Variants in C7 observed in about 807,000 individuals in gnomAD.
C7 encodes the protein complement C7.
Under a neutral mutation model 104.8 loss-of-function variants are expected in C7, and 83 were observed. The observed-to-expected ratio is 0.79, with a 90% confidence interval of 0.66 to 0.95. C7 has a LOEUF of 0.95. Ranked by LOEUF, C7 falls within the 40% of genes least tolerant of loss-of-function variation. C7 has a pLI of 0.00. For synonymous variants in C7, 415 were observed against 360.6 expected, an observed-to-expected ratio of 1.15 and a Z score of -1.71; for missense variants, 1,070 against 1,011.2, an observed-to-expected ratio of 1.06 and a Z score of -0.79.
chr5:40,931,017 C>G (rs376444956), intron 2 of C7, 47 bp from the exon 3 acceptor site: 3 of 1,259,382 alleles, frequency 2.4e-6, no homozygotes, highest in Admixed American at 1.7e-5. Flanking sequence ...TGTTCCCTTG[C>G]GTATCTTTCC....
chr5:40,964,572 T>C (rs1740502654), intron 13 of C7, 169 bp from the exon 14 acceptor site: 1 of 543,688 alleles, frequency 1.8e-6, no homozygotes, highest in Non-Finnish European at 3.3e-6. Flanking sequence ...ATGGTGGTGC[T>C]AGTGTTACTA....
At chr5:40,960,580 T>A (rs1443467529) in intron 12 of C7, among the ~76,000 whole-genome samples, 1 of 152,130 alleles carries the variant, frequency 6.6e-6, no homozygotes, top group Non-Finnish European at 1.5e-5. Flanking sequence ...TTTTTCCTGC[T>A]TTTTGACATA....
intron 2 of C7, 27 bp downstream of exon 2, chr5:40,928,662 A>G: frequency 7.1e-7 from 1 of 1,412,922 alleles, no homozygotes; most frequent in Non-Finnish European, 9.7e-7. Flanking sequence ...TTGTGTGTAA[A>G]AATCATTAAA....
chr5:40,914,188 T>C (rs1416086968), intron 1 of C7, among the ~76,000 whole-genome samples: 1 of 152,164 alleles, frequency 6.6e-6, no homozygotes, highest in Non-Finnish European at 1.5e-5. Flanking sequence ...CTCCTTGTGG[T>C]TTTAATTTAA....
chr5:40,911,155 T>A (rs1285551229), intron 1 of C7: 2 of 152,216 alleles, frequency 1.3e-5, no homozygotes, highest in East Asian at 1.9e-4. Context: ...CCAAGTCGCA[T>A]GTAGAGTTCT....
chr5:40,980,443 A>T (rs1288079377), intron 17 of C7: 1 of 152,280 alleles, frequency 6.6e-6, no homozygotes, highest in Non-Finnish European at 1.5e-5. Context: ...CCAAGCTGAC[A>T]CTTTCTTCTA....
chr5:40,938,474 C>T (rs1739862361), intron 6 of C7, among the ~76,000 whole-genome samples: 1 of 151,954 alleles, frequency 6.6e-6, no homozygotes, highest in Admixed American at 6.6e-5. Context: ...ATGAAAATGC[C>T]TTGAACATTC....
At chr5:40,950,425 G>A (rs1740144317) in intron 9 of C7, among the ~76,000 whole-genome samples, 1 of 152,030 alleles carries the variant, frequency 6.6e-6, no homozygotes, top group Admixed American at 6.6e-5. Flanking sequence ...TGGTGTATAT[G>A]CACCACACTT....
chr5:40,982,847 A>G lies in C7; in HGVS notation c.*1274A>G, dbSNP rs1362577901. The G allele has an allele frequency of 1.3e-5, 2 of 152,370 alleles. No individual in the cohort carries two copies. Among genetic ancestry groups the G allele is most frequent in the Non-Finnish European group, 2.9e-5 (2 of 68,038 alleles). 9.4% of individuals were successfully genotyped at this position (152,370 alleles called of 1,614,324 possible). A position where few individuals can be genotyped will look rare whatever the true frequency, so the allele number is the denominator to read the frequency against. ...TTAAAATAAGCTATATTATACAAAT[A>G]CTATCTCTGTATTGTTCTGACCCTG... is the stretch of plus-strand genomic sequence containing the variant. On this transcript the variant is annotated 3_prime_UTR_variant, in exon 18 of 18. Coordinates refer to ENST00000313164, the MANE Select transcript of C7 (RefSeq NM_000587.4).
chr5:40,939,705 A>T (rs1158792436), intron 6 of C7, among the ~76,000 whole-genome samples: 2 of 152,220 alleles, frequency 1.3e-5, no homozygotes, highest in Admixed American at 1.3e-4. Context: ...GGAGACTTGC[A>T]TGTATATTTT....
intron 1 of C7, among the ~76,000 whole-genome samples, chr5:40,918,743 G>A (rs1739377834): frequency 6.6e-6 from 1 of 151,528 alleles, no homozygotes; most frequent in Non-Finnish European, 1.5e-5. Context: ...CATCAAGAGG[G>A]TATAACAATT....
intron 2 of C7, among the ~76,000 whole-genome samples, 173 bp from the exon 3 acceptor site, chr5:40,930,891 T>C (rs188876675): frequency 1.1e-3 from 169 of 152,316 alleles, no homozygotes; most frequent in Non-Finnish European, 2.1e-3. Flanking sequence ...AGTGTTAGTC[T>C]CTAAGAAAGT....
intron 1 of C7, among the ~76,000 whole-genome samples, chr5:40,920,243 T>G (rs1739411813): frequency 6.6e-6 from 1 of 152,080 alleles, no homozygotes; most frequent in Non-Finnish European, 1.5e-5. Flanking sequence ...TGTAAAGTGT[T>G]GTTCAAGTTG....
intron 6 of C7, among the ~76,000 whole-genome samples, chr5:40,940,948 T>A (rs781464810): frequency 9.2e-5 from 14 of 152,182 alleles, no homozygotes; most frequent in Non-Finnish European, 1.9e-4. Context: ...TATATATGTA[T>A]GTATATGCAG....
chr5:40,952,478 T>TTTTATTTATTTATTTATTTA (rs147016821), intron 9 of C7, among the ~76,000 whole-genome samples: 16,255 of 148,942 alleles, frequency 0.11, 916 homozygotes, highest in East Asian at 0.14. Flanking sequence ...CTGTAATTCT[T>TTTTATTTATTTATTTATTTA]TTTATTTATT....
chr5:40,918,815 G>A (rs904730678), intron 1 of C7, among the ~76,000 whole-genome samples: 1 of 152,170 alleles, frequency 6.6e-6, no homozygotes, highest in East Asian at 1.9e-4. Context: ...TTAAGGATAT[G>A]ATGGAAGAGA....
At chr5:40,972,057 A>G in intron 14 of C7, 1 of 473,642 alleles carries the variant, frequency 2.1e-6, no homozygotes, top group Non-Finnish European at 4.2e-6. Flanking sequence ...TCCTGGTGGA[A>G]CATCACTAGA....
chr5:40,977,478 G>A (rs568497012), intron 16 of C7, among the ~76,000 whole-genome samples: 4 of 152,296 alleles, frequency 2.6e-5, no homozygotes, highest in Admixed American at 6.5e-5. Flanking sequence ...CAGCTTGACC[G>A]TATAGCCATA....
At chr5:40,971,433 G>T (rs1364694000) in intron 14 of C7, among the ~76,000 whole-genome samples, 3 of 152,110 alleles carry the variant, frequency 2.0e-5, no homozygotes, top group African/African-American at 2.4e-5. Context: ...TGATGGGGTT[G>T]CTTGTTTTTC....
Sources: allele counts gnomAD v4.1 joint callset (sites outside exome capture counted in the v4.1 genomes callset), GRCh38; gene constraint gnomAD v4.1.1; transcripts MANE v1.5; gene names NCBI Gene and HGNC (gene_info 2026-07-23, HGNC 2026-07-21).